The following DHRS11 variants were observed in gnomAD, a reference collection of about 807,000 sequenced individuals.
The protein encoded by DHRS11 is dehydrogenase/reductase 11.
Under a neutral mutation model 30.7 loss-of-function variants are expected in DHRS11, and 18 were observed. That is an observed-to-expected ratio of 0.59 (90% CI 0.41 to 0.87). DHRS11 has a LOEUF of 0.87. Among genes scored for constraint, DHRS11 ranks in the 40% least tolerant of loss-of-function variants. The pLI is 0.00. For synonymous variants in DHRS11, 123 were observed against 139.6 expected, an observed-to-expected ratio of 0.88 and a Z score of 0.84; for missense variants, 300 against 349.0, an observed-to-expected ratio of 0.86 and a Z score of 1.12.
intron 2 of DHRS11, 79 bp downstream of exon 2, chr17:36,595,259 C>T: frequency 1.3e-6 from 2 of 1,521,862 alleles, no homozygotes; most frequent in African/African-American, 2.7e-5. Flanking sequence ...AACCAGAGTG[C>T]TGCTGGGGAC....
In DHRS11 at chr17:36,594,967, A is replaced by T; in HGVS notation, c.148-4A>T. 3.7e-6 allele frequency: 6 copies of T among 1,614,108 alleles called. No homozygotes were observed. The highest frequency in any genetic ancestry group is 5.1e-6 in the Non-Finnish European group (6 of 1,180,004). On this transcript the variant is annotated splice_polypyrimidine_tract_variant and splice_region_variant and intron_variant, in intron 1 of 6. Transcript: ENST00000618403. ...CCCAGTCAGACCCCTGTTGGGTTTC[A>T]TAGGAGCTGGCTGCTGAATGTAAGA...
At chr17:36,594,379 AC>A (rs746686155) in intron 1 of DHRS11, among the ~76,000 whole-genome samples, 27 of 151,538 alleles carry the variant, frequency 1.8e-4, no homozygotes, top group Admixed American at 7.9e-4. Flanking sequence ...AAGAGAGAGC[AC>A]TCCATTCTCT....
chr17:36,594,922 C>T (rs370537926), intron 1 of DHRS11, 49 bp from the exon 2 acceptor site: 27 of 1,594,014 alleles, frequency 1.7e-5, no homozygotes, highest in African/African-American at 4.0e-5. Context: ...GCTAGGGAGC[C>T]GTGGGAGTGA....
chr17:36,593,525 T>C (rs1309914031), intron 1 of DHRS11, among the ~76,000 whole-genome samples: 2 of 152,164 alleles, frequency 1.3e-5, no homozygotes, highest in Non-Finnish European at 2.9e-5. Flanking sequence ...TTGCCCACAG[T>C]CTGCTTTGAT....
At position 36,598,175 on chromosome 17, in the gene DHRS11, G is replaced by A. The variant is rs1413138156; in HGVS notation, c.370G>A (p.Ala124Thr). 1.2e-6 allele frequency: 2 copies of A among 1,613,944 alleles called. No homozygotes were observed. Among genetic ancestry groups the A allele is most frequent in the Non-Finnish European group, 1.7e-6 (2 of 1,179,986 alleles). Residue 124 changes from alanine (A) to threonine (T), a missense_variant, in exon 3 of 7, where the codon GCC (alanine) becomes ACC (threonine). Physicochemically the swap from Ala to Thr is moderately conservative, Grantham distance 58 (BLOSUM62 0). Transcript: ENST00000618403. ...CCCTGGCCTGCAGGTGAACGTGCTG[G>A]CCCTCAGCATCTGCACACGGGAAGC... is the stretch of plus-strand genomic sequence containing the variant. ...WKDMFNVNVL[A>T]LSICTREAYQ...
In DHRS11 at chr17:36,600,320, G is replaced by T; in HGVS notation, c.*117G>T. 8.1e-7 allele frequency: 1 copy of T among 1,233,578 alleles called. No individual in the cohort carries two copies. The highest frequency in any genetic ancestry group is 1.1e-6 in the Non-Finnish European group (1 of 876,314). 76.4% of individuals were successfully genotyped at this position (1,233,578 alleles called of 1,614,324 possible). A position where few individuals can be genotyped will look rare whatever the true frequency, so the allele number is the denominator to read the frequency against. ...CACTTCCTGTCCACACCCCGACCAG[G>T]GGCTAGAAAATTTGTTTGAGATTTT... On this transcript the variant is annotated 3_prime_UTR_variant, in exon 7 of 7. Transcript: ENST00000618403.
intron 4 of DHRS11, 194 bp from the exon 5 acceptor site, chr17:36,599,477 A>T: frequency 1.7e-6 from 1 of 604,104 alleles, no homozygotes; most frequent in Non-Finnish European, 2.9e-6. Context: ...TACCTGACAT[A>T]TAGGAAAGGC....
At chr17:36,599,902 A>C (rs903850398) in intron 5 of DHRS11, 70 bp from the exon 6 acceptor site, 3 of 1,580,646 alleles carry the variant, frequency 1.9e-6, no homozygotes, top group African/African-American at 1.3e-5. Flanking sequence ...TGCCACAGAG[A>C]AGCTCAGTGG....
chr17:36,598,265 C>G lies in DHRS11; in HGVS notation c.452+8C>G. ...CATCATTAACATCAATAGGTGAGGGCAGGTGGCCAATGGGTACCACTCACC... is the reference window on the plus strand; with the variant it reads ...CATCATTAACATCAATAGGTGAGGGGAGGTGGCCAATGGGTACCACTCACC... On this transcript the variant is annotated splice_region_variant and intron_variant, in intron 3 of 6. Coordinates refer to ENST00000618403, the MANE Select transcript of DHRS11 (RefSeq NM_024308.4). 6.2e-7 allele frequency: 1 copy of G among 1,613,642 alleles called. No homozygotes were observed. Among genetic ancestry groups the G allele is most frequent in the Non-Finnish European group, 8.5e-7 (1 of 1,179,686 alleles).
Position 36,598,224 on chromosome 17 carries a change from A to G in DHRS11, c.419A>G (p.Asn140Ser), listed in dbSNP as rs1398958989. 2.5e-6 allele frequency: 4 copies of G among 1,614,124 alleles called. No homozygotes were observed. The highest frequency in any genetic ancestry group is 1.1e-5 in the South Asian group (1 of 91,086). The part of the protein sequence containing the change: ...REAYQSMKER[N>S]VDDGHIININ... Reference sequence around the variant, plus strand: ...GCCTACCAGTCCATGAAGGAGCGGAATGTGGACGATGGGCACATCATTAAC... The same window carrying G: ...GCCTACCAGTCCATGAAGGAGCGGAGTGTGGACGATGGGCACATCATTAAC... Residue 140 changes from asparagine to serine, a missense_variant, in exon 3 of 7, where the codon AAT becomes AGT. Transcript: ENST00000618403.
intron 1 of DHRS11, among the ~76,000 whole-genome samples, chr17:36,594,090 A>G (rs2074789769): frequency 6.6e-6 from 1 of 152,168 alleles, no homozygotes. Flanking sequence ...GCTCAGAGAG[A>G]AAGAATCTGT....
chr17:36,598,368 A>T (rs2074828478), intron 3 of DHRS11, 111 bp downstream of exon 3: 1 of 966,748 alleles, frequency 1.0e-6, no homozygotes, highest in African/African-American at 1.6e-5. Context: ...TACAGATTTA[A>T]TACCTGAATG....
At chr17:36,595,207 A>C in intron 2 of DHRS11, 27 bp downstream of exon 2, 2 of 1,611,690 alleles carry the variant, frequency 1.2e-6, no homozygotes, top group Non-Finnish European at 1.7e-6. Context: ...TCCATCTTCC[A>C]GGTGGAGGGT....
chr17:36,592,063 G>T lies in DHRS11; in HGVS notation c.54G>T (p.Gly18=). The T allele has an allele frequency of 8.1e-7, 1 of 1,237,204 alleles. No homozygotes were observed. The allele number at this position is 1,237,204 out of a possible 1,614,324, so 76.6% of individuals were successfully genotyped here. A position where few individuals can be genotyped will look rare whatever the true frequency, so the allele number is the denominator to read the frequency against. ...GCGACCGGCTGGCGCTGGTGACGGGGGCCTCGGGGGGCATCGGCGCGGCCG... is the reference window on the plus strand; with the variant it reads ...GCGACCGGCTGGCGCTGGTGACGGGTGCCTCGGGGGGCATCGGCGCGGCCG... The part of the protein sequence containing the change: ...RWRDRLALVT[G]ASGGIGAAVA... Residue 18 remains glycine (G), a synonymous_variant, in exon 1 of 7, where the codon GGG becomes GGT. Transcript: ENST00000618403. The surrounding 1 kb of genome is among the most constrained non-coding windows in gnomAD (Gnocchi z 4.4).
At chr17:36,598,885 C>A in intron 3 of DHRS11, 36 bp from the exon 4 acceptor site, 1 of 1,590,590 alleles carries the variant, frequency 6.3e-7, no homozygotes, top group Non-Finnish European at 8.6e-7. Flanking sequence ...CCTGGAACTT[C>A]ATTCTCTCCT....
chr17:36,596,610 G>C, intron 2 of DHRS11: 2 of 349,050 alleles, frequency 5.7e-6, no homozygotes, highest in East Asian at 7.4e-5. Context: ...TGAAAAGATA[G>C]TTATTGAATA....
chr17:36,599,045 G>T lies in DHRS11; in HGVS notation c.577G>T (p.Ala193Ser). ...ELREAQTHIR[A>S]TCISPGVVET... ...TCGGGAGGCCCAGACCCACATCCGAGCCACGGTGAGGCTGTGGCCTAGCCC... is the reference window on the plus strand; with the variant it reads ...TCGGGAGGCCCAGACCCACATCCGATCCACGGTGAGGCTGTGGCCTAGCCC... The change falls in exon 4 of 7, where the codon GCC (alanine) becomes TCC (serine). Residue 193 changes from alanine (A) to serine (S), a missense_variant. Ala to Ser is a moderately conservative substitution (Grantham distance 99, BLOSUM62 1). Coordinates refer to ENST00000618403, the MANE Select transcript of DHRS11 (RefSeq NM_024308.4). 1 of 1,611,506 alleles carries T rather than the reference G, an allele frequency of 6.2e-7. No individual in the cohort carries two copies.
chr17:36,595,612 A>G (rs2074804980), intron 2 of DHRS11, among the ~76,000 whole-genome samples: 1 of 151,676 alleles, frequency 6.6e-6, no homozygotes, highest in Non-Finnish European at 1.5e-5. Context: ...TAGTAGAGAC[A>G]GGGTTTCACC....
intron 3 of DHRS11, chr17:36,598,566 C>T: frequency 2.0e-6 from 1 of 507,200 alleles, no homozygotes; most frequent in Non-Finnish European, 3.5e-6. Context: ...ACAGTGTCTG[C>T]CACTGGGGAG....
Sources: gnomAD v4.1 joint callset for allele counts (sites outside exome capture counted in the v4.1 genomes callset) on GRCh38, gnomAD v4.1.1 for gene constraint, Gnocchi (gnomAD v3.1) non-coding constraint, MANE v1.5 for transcripts, NCBI Gene and HGNC (gene_info 2026-07-23, HGNC 2026-07-21) for gene names.